The following PRKCB variants were observed in gnomAD, a reference collection of about 807,000 sequenced individuals.
The protein encoded by PRKCB is protein kinase C beta type.
A neutral mutation model predicts 81.5 loss-of-function variants in PRKCB; 13 were observed. That is an observed-to-expected ratio of 0.16 (90% CI 0.10 to 0.25). The LOEUF is 0.25. Ranked by LOEUF, PRKCB falls within the 10% of genes least tolerant of loss-of-function variation. The pLI, the probability that PRKCB is intolerant of heterozygous loss-of-function variation, is 1.00. For missense variants in PRKCB, 509 were observed against 875.7 expected (o/e 0.58, Z 5.29); for synonymous variants, 335 against 321.4 (o/e 1.04, Z -0.45).
rs918176555 is a variant in PRKCB at position 23,871,880 on chromosome 16, T to A, written c.205+34474T>A. On this transcript the variant is annotated intron_variant, in intron 2 of 16. Coordinates refer to ENST00000643927, the MANE Select transcript of PRKCB (RefSeq NM_002738.7). Reference sequence around the variant, plus strand: ...CAGGTTTTTTTTTTTTTTTTTTTTTTAAATCTTTTCATAGCATCTGTAACT... The same window carrying A: ...CAGGTTTTTTTTTTTTTTTTTTTTTAAAATCTTTTCATAGCATCTGTAACT... Among the ~76,000 whole-genome samples the A allele has an allele frequency of 3.9e-3, 541 of 139,280 alleles. 1 individual carries two copies. The highest frequency in any genetic ancestry group is 7.3e-3 in the African/African-American group (282 of 38,680). 91.4% of individuals were successfully genotyped at this position (139,280 alleles called of 152,430 possible).
intron 5 of PRKCB, among the ~76,000 whole-genome samples, chr16:24,045,927 C>T (rs950989319): frequency 6.6e-5 from 10 of 152,384 alleles, no homozygotes; most frequent in African/African-American, 1.9e-4. Flanking sequence ...TGTGAACCTC[C>T]AGCCCCGCGT....
chr16:24,176,619 G>A (rs931899391), intron 12 of PRKCB, among the ~76,000 whole-genome samples: 13 of 152,160 alleles, frequency 8.5e-5, no homozygotes, highest in African/African-American at 2.7e-4. Context: ...GAGGCTGGGC[G>A]CAGTGGCTCA....
rs537870579 is a variant in PRKCB, at chr16:24,218,641, C to A, written c.*3825C>A. 1 of 974,602 alleles carries A rather than the reference C, an allele frequency of 1.0e-6. No homozygotes were observed. The highest frequency in any genetic ancestry group is 1.9e-5 in the African/African-American group (1 of 53,348). 60.4% of individuals were successfully genotyped at this position (974,602 alleles called of 1,614,324 possible). A position where few individuals can be genotyped will look rare whatever the true frequency, so the allele number is the denominator to read the frequency against. ...AAGGTCTTTTGCAAAGGAGAGTGAA[C>A]CCAGCAATGAGAGATCCTTAACAGC... On this transcript the variant is annotated 3_prime_UTR_variant, in exon 17 of 17. Coordinates refer to ENST00000643927, the MANE Select transcript of PRKCB (RefSeq NM_002738.7).
intron 2 of PRKCB, among the ~76,000 whole-genome samples, chr16:23,895,366 A>C (rs1261747916): frequency 3.9e-5 from 6 of 152,028 alleles, no homozygotes; most frequent in African/African-American, 1.4e-4. Flanking sequence ...TCTTCAGTTC[A>C]ACTTTTTTCT....
In PRKCB at chr16:23,950,132, A is replaced by AGTTTTTTTTTTTTT. The variant is rs55986931; in HGVS notation, c.206-38376_206-38375insGTTTTTTTTTTTTT. Among the ~76,000 whole-genome samples, 41 of 97,760 alleles carry AGTTTTTTTTTTTTT rather than the reference A, an allele frequency of 4.2e-4. 8 individuals carry two copies. Among genetic ancestry groups the AGTTTTTTTTTTTTT allele is most frequent in the South Asian group, 6.8e-4 (2 of 2,930 alleles). 64.1% of individuals were successfully genotyped at this position (97,760 alleles called of 152,430 possible). A position where few individuals can be genotyped will look rare whatever the true frequency, so the allele number is the denominator to read the frequency against. On this transcript the variant is annotated intron_variant, in intron 2 of 16. Coordinates refer to ENST00000643927, the MANE Select transcript of PRKCB (RefSeq NM_002738.7). ...AGCAGCATTGGCCCCTATGATTTGA[A>AGTTTTTTTTTTTTT]TTTTTTTTTTTTTTTTTTTTTTTTT...
intron 2 of PRKCB, among the ~76,000 whole-genome samples, chr16:23,980,868 A>T (rs1964690262): frequency 6.6e-6 from 1 of 151,884 alleles, no homozygotes; most frequent in African/African-American, 2.4e-5. Context: ...TGGTTAGAGT[A>T]AACCACTAAA....
chr16:24,192,170 A>G (rs1020545733), intron 16 of PRKCB, among the ~76,000 whole-genome samples: 1 of 152,268 alleles, frequency 6.6e-6, no homozygotes, highest in African/African-American at 2.4e-5. Context: ...TTTCTTGAGC[A>G]CTTACGTGCT....
chr16:24,046,493 T>G (rs1203132021), intron 5 of PRKCB, among the ~76,000 whole-genome samples: 1 of 152,152 alleles, frequency 6.6e-6, no homozygotes, highest in African/African-American at 2.4e-5. Flanking sequence ...GGGTGGCCAG[T>G]GGGCTGAGTG....
chr16:24,219,296 C>A lies in PRKCB; in HGVS notation c.*4480C>A. 1 of 978,760 alleles carries A rather than the reference C, an allele frequency of 1.0e-6. No homozygotes were observed. The highest frequency in any genetic ancestry group is 1.2e-6 in the Non-Finnish European group (1 of 829,040). The allele number at this position is 978,760 out of a possible 1,614,324, so 60.6% of individuals were successfully genotyped here. A position where few individuals can be genotyped will look rare whatever the true frequency, so the allele number is the denominator to read the frequency against. ...TTTTAAGGCTCCCCTTACACACCCT[C>A]CTTTAAGCTTTGGGTTTTCTCTCTT... On this transcript the variant is annotated 3_prime_UTR_variant, in exon 17 of 17. Coordinates refer to ENST00000643927, the MANE Select transcript of PRKCB (RefSeq NM_002738.7).
intron 2 of PRKCB, among the ~76,000 whole-genome samples, chr16:23,840,631 ATGT>A (rs1188751516): frequency 1.3e-5 from 2 of 152,118 alleles, no homozygotes; most frequent in African/African-American, 4.8e-5. Context: ...CAGAGAGAGG[ATGT>A]TGTCTCTGCC....
intron 2 of PRKCB, among the ~76,000 whole-genome samples, chr16:23,912,599 G>A (rs781728031): frequency 1.3e-4 from 16 of 120,576 alleles, no homozygotes; most frequent in South Asian, 3.0e-4. Flanking sequence ...TGCAGTCTCC[G>A]CCTCCTGGGT....
At chr16:23,993,500 C>T (rs925387868) in intron 3 of PRKCB, among the ~76,000 whole-genome samples, 4 of 152,108 alleles carry the variant, frequency 2.6e-5, no homozygotes, top group Admixed American at 6.5e-5. Flanking sequence ...ATTTAATACC[C>T]GCTCACCCAT....
intron 2 of PRKCB, among the ~76,000 whole-genome samples, chr16:23,920,772 G>A (rs575752574): frequency 2.0e-5 from 3 of 152,336 alleles, no homozygotes; most frequent in Admixed American, 1.3e-4. Flanking sequence ...GCAGAAATTG[G>A]TGGAAGTTAT....
At chr16:24,201,854 T>G (rs935100097) in intron 16 of PRKCB, among the ~76,000 whole-genome samples, 1 of 151,836 alleles carries the variant, frequency 6.6e-6, no homozygotes. Flanking sequence ...GCTAACACGG[T>G]GAAACCCCAT....
intron 2 of PRKCB, among the ~76,000 whole-genome samples, chr16:23,944,938 G>A (rs1964185092): frequency 6.6e-6 from 1 of 152,184 alleles, no homozygotes; most frequent in African/African-American, 2.4e-5. Context: ...GAGAGAATGA[G>A]GGACAGAGAG....
chr16:23,879,735 C>A (rs1963076237), intron 2 of PRKCB, among the ~76,000 whole-genome samples: 1 of 152,104 alleles, frequency 6.6e-6, no homozygotes, highest in Non-Finnish European at 1.5e-5. Flanking sequence ...CTCAAGTGAT[C>A]CGCCCGCCTC....
chr16:23,947,271 C>T (rs75607515), intron 2 of PRKCB, among the ~76,000 whole-genome samples: 2,506 of 152,276 alleles, frequency 0.016, 73 homozygotes, highest in African/African-American at 0.055. Context: ...CTGCTCTTCT[C>T]GAGACAGCAT....
At chr16:24,158,520 A>T (rs61682218) in intron 10 of PRKCB, among the ~76,000 whole-genome samples, 17,371 of 151,570 alleles carry the variant, frequency 0.11, 1,084 homozygotes, top group East Asian at 0.22. Flanking sequence ...AGATCTTTTT[A>T]AAAAAACATG....
chr16:24,191,300 T>C (rs1276217991), intron 16 of PRKCB, 70 bp downstream of exon 16: 1 of 1,567,670 alleles, frequency 6.4e-7, no homozygotes, highest in African/African-American at 1.4e-5. Flanking sequence ...CCTCATGTTT[T>C]CCAAATGCTC....
Sources: gnomAD v4.1 joint callset for allele counts (sites outside exome capture counted in the v4.1 genomes callset) on GRCh38, gnomAD v4.1.1 for gene constraint, MANE v1.5 for transcripts, NCBI Gene and HGNC (gene_info 2026-07-23, HGNC 2026-07-21) for gene names.